TPTE2: variants seen among roughly 807,000 people sequenced by gnomAD.
The protein encoded by TPTE2 is transmembrane phosphoinositide 3-phosphatase and tensin homolog 2, also known as phosphatidylinositol 3,4,5-trisphosphate 3-phosphatase TPTE2.
A neutral mutation model predicts 78.6 loss-of-function variants in TPTE2; 53 were observed. That is an observed-to-expected ratio of 0.67 (90% CI 0.54 to 0.85). The LOEUF is 0.85. Ranked by LOEUF, TPTE2 falls within the 40% of genes least tolerant of loss-of-function variation. TPTE2 has a pLI of 0.00. For synonymous variants in TPTE2, 175 were observed against 206.2 expected, an observed-to-expected ratio of 0.85 and a Z score of 1.30; for missense variants, 461 against 623.0, an observed-to-expected ratio of 0.74 and a Z score of 2.77.
intron 1 of TPTE2, among the ~76,000 whole-genome samples, chr13:19,524,973 T>C (rs890825571): frequency 6.6e-6 from 1 of 152,202 alleles, no homozygotes; most frequent in African/African-American, 2.4e-5. Context: ...CATTATTTCA[T>C]AGGCAATAGA....
chr13:19,426,493 T>TCACC lies in TPTE2; in HGVS notation c.1326_1327insGGTG (p.Lys443GlyfsTer6), dbSNP rs1247593768. ...CCGTCATATACATTAATTAATATTT[T>TCACC]GTCTGTTTCAATGTCATGCAATATC... On this transcript the variant is annotated frameshift_variant, in exon 18 of 20. Transcript: ENST00000400230. LOFTEE classifies it high-confidence loss of function. The TCACC allele has an allele frequency of 2.5e-6, 4 of 1,592,778 alleles. No homozygotes were observed. The highest frequency in any genetic ancestry group is 3.4e-6 in the Non-Finnish European group (4 of 1,160,880).
upstream of TPTE2, among the ~76,000 whole-genome samples, chr13:19,538,071 G>A (rs918754322): frequency 1.3e-5 from 2 of 152,114 alleles, no homozygotes; most frequent in African/African-American, 2.4e-5. Flanking sequence ...CAAGTTTGAT[G>A]CTTATCTTTT....
chr13:19,441,120 C>T (rs1877466508), intron 13 of TPTE2, among the ~76,000 whole-genome samples: 1 of 151,908 alleles, frequency 6.6e-6, no homozygotes, highest in African/African-American at 2.4e-5. Flanking sequence ...TTTGCAGCAT[C>T]ACGGATGCAG....
chr13:19,541,672 G>T (rs1387784763), upstream of TPTE2, among the ~76,000 whole-genome samples: 2 of 152,110 alleles, frequency 1.3e-5, no homozygotes, highest in Non-Finnish European at 2.9e-5. Flanking sequence ...GGCTGCCAAG[G>T]TTTACCAAAC....
At chr13:19,478,251 A>T (rs1419479110) in intron 4 of TPTE2, among the ~76,000 whole-genome samples, 3 of 152,154 alleles carry the variant, frequency 2.0e-5, no homozygotes, top group African/African-American at 7.2e-5. Context: ...AAATTTTTGC[A>T]ATCTACTCAT....
chr13:19,547,716 T>TATACATAC, the TPTE2 span, among the ~76,000 whole-genome samples: 2 of 120,716 alleles, frequency 1.7e-5, 1 homozygote, highest in African/African-American at 7.4e-5. Context: ...AAGTAATAAA[T>TATACATAC]ATACATATAT....
chr13:19,443,534 C>G (rs560702625), intron 13 of TPTE2, among the ~76,000 whole-genome samples: 1 of 151,964 alleles, frequency 6.6e-6, no homozygotes, highest in Non-Finnish European at 1.5e-5. Flanking sequence ...GCCGGAGTAG[C>G]TGGCATTACA....
At chr13:19,513,977 C>G (rs147956674) in intron 1 of TPTE2, among the ~76,000 whole-genome samples, 14 of 152,116 alleles carry the variant, frequency 9.2e-5, no homozygotes, top group Non-Finnish European at 1.6e-4. Context: ...GGGGCTCCAT[C>G]CAATGTGATG....
chr13:19,560,541 G>A, the TPTE2 span: 1 of 1,590,960 alleles, frequency 6.3e-7, no homozygotes, highest in South Asian at 1.1e-5. Context: ...GCGATGAGAA[G>A]CCTGGGATGC....
intron 13 of TPTE2, among the ~76,000 whole-genome samples, chr13:19,441,595 T>A (rs1877498457): frequency 6.6e-6 from 1 of 152,188 alleles, no homozygotes; most frequent in Admixed American, 6.5e-5. Flanking sequence ...GGAAAAAGCA[T>A]TCACTAACAT....
At chr13:19,557,883 A>G in the TPTE2 span, among the ~76,000 whole-genome samples, 1 of 152,192 alleles carries the variant, frequency 6.6e-6, no homozygotes, top group Non-Finnish European at 1.5e-5. Flanking sequence ...TTTTAAAAGC[A>G]GAGTTTCCAT....
chr13:19,557,255 A>G, the TPTE2 span, among the ~76,000 whole-genome samples: 1 of 152,204 alleles, frequency 6.6e-6, no homozygotes, highest in African/African-American at 2.4e-5. Context: ...ACAGAATGCA[A>G]CATTTCATGG....
At chr13:19,560,953 G>A in the TPTE2 span, 1 of 1,597,756 alleles carries the variant, frequency 6.3e-7, no homozygotes, top group African/African-American at 1.3e-5. Context: ...TCCTCTTGAA[G>A]AAGGCTTTGC....
chr13:19,471,919 G>C (rs1235779947), intron 6 of TPTE2, among the ~76,000 whole-genome samples: 1 of 152,072 alleles, frequency 6.6e-6, no homozygotes, highest in African/African-American at 2.4e-5. Flanking sequence ...CCTTCACTTT[G>C]AAGGATATTT....
chr13:19,499,240 C>T (rs1188761849), intron 1 of TPTE2, among the ~76,000 whole-genome samples: 19 of 152,202 alleles, frequency 1.2e-4, no homozygotes, highest in South Asian at 8.3e-4. Flanking sequence ...GACAGATCAA[C>T]GAGACAGAAA....
chr13:19,523,130 G>A (rs1172371446), intron 1 of TPTE2, among the ~76,000 whole-genome samples: 2 of 152,014 alleles, frequency 1.3e-5, no homozygotes, highest in Non-Finnish European at 2.9e-5. Context: ...CGTTTCTCTG[G>A]GAATAAGGCT....
chr13:19,455,030 C>T (rs1878454858), intron 10 of TPTE2, among the ~76,000 whole-genome samples: 1 of 152,176 alleles, frequency 6.6e-6, no homozygotes, highest in Admixed American at 6.5e-5. Flanking sequence ...CACATTACTC[C>T]ATGACTGTGC....
intron 1 of TPTE2, among the ~76,000 whole-genome samples, chr13:19,499,256 C>A (rs1173118199): frequency 6.6e-6 from 1 of 152,106 alleles, no homozygotes; most frequent in Non-Finnish European, 1.5e-5. Context: ...AGAAAGTCAA[C>A]AACGATACCC....
chr13:19,436,237 T>A, exon 15 of TPTE2: 1 of 1,612,102 alleles, frequency 6.2e-7, no homozygotes. Context: ...TGAGAAGGAG[T>A]TTCTACTCCC....
Sources: allele counts gnomAD v4.1 joint callset (sites outside exome capture counted in the v4.1 genomes callset), GRCh38; gene constraint gnomAD v4.1.1; transcripts MANE v1.5; gene names NCBI Gene and HGNC (gene_info 2026-07-23, HGNC 2026-07-21).